Variants in DAAM1 observed in about 807,000 individuals in gnomAD.
DAAM1 encodes the protein dishevelled associated activator of morphogenesis 1.
In DAAM1, 52 loss-of-function variants were observed where a neutral mutation model predicts 130.0. That is an observed-to-expected ratio of 0.40 (90% CI 0.32 to 0.50). The LOEUF (loss-of-function observed/expected upper bound fraction) is 0.50. DAAM1 is among the 20% of genes least tolerant of loss of function. The pLI is 0.61. For synonymous variants in DAAM1, 452 were observed against 444.5 expected, an observed-to-expected ratio of 1.02 and a Z score of -0.21; for missense variants, 1,134 against 1,303.8, an observed-to-expected ratio of 0.87 and a Z score of 2.01.
At chr14:59,283,624 T>C (rs1249596190) in intron 2 of DAAM1, among the ~76,000 whole-genome samples, 2 of 152,196 alleles carry the variant, frequency 1.3e-5, no homozygotes, top group African/African-American at 2.4e-5. Context: ...CAGGCATTAC[T>C]GCATGCTTAG....
In DAAM1 at chr14:59,325,668, T is replaced by G. The variant is rs1375078529; in HGVS notation, c.994T>G (p.Leu332Val). Residue 332 changes from leucine to valine, a missense_variant, in exon 9 of 25, where the codon TTA (leucine) becomes GTA (valine). By Grantham distance (32) the Leu-to-Val change is conservative. Coordinates refer to ENST00000360909, the MANE Select transcript of DAAM1 (RefSeq NM_001270520.2). ...TTTTCTTTCATTATTTTTCAGGCAT[T>G]TAGACTTTTTTGAAATGCTCCGAAA... Reference protein sequence around the residue: ...EHENSTLDRHLDFFEMLRNED... With the variant: ...EHENSTLDRHVDFFEMLRNED... 3.1e-6 allele frequency: 5 copies of G among 1,613,748 alleles called. No homozygotes were observed. Among genetic ancestry groups the G allele is most frequent in the African/African-American group, 1.3e-5 (1 of 74,934 alleles).
chr14:59,331,634 A>T, intron 14 of DAAM1, 126 bp downstream of exon 14: 1 of 1,508,344 alleles, frequency 6.6e-7, no homozygotes, highest in South Asian at 1.4e-5. Context: ...AAGAGTTCTC[A>T]CTAGCTCAGA....
At chr14:59,300,259 C>T (rs1165982637) in intron 3 of DAAM1, among the ~76,000 whole-genome samples, 1 of 152,124 alleles carries the variant, frequency 6.6e-6, no homozygotes, top group African/African-American at 2.4e-5. Context: ...GCCAGATTTA[C>T]AAATGCCCTG....
intron 2 of DAAM1, among the ~76,000 whole-genome samples, chr14:59,274,088 T>A (rs370038716): frequency 6.6e-6 from 1 of 152,198 alleles, no homozygotes; most frequent in African/African-American, 2.4e-5. Context: ...CTTTTAGTTA[T>A]GATTTTCGGG....
chr14:59,366,020 A>G (rs1886902031), intron 23 of DAAM1, among the ~76,000 whole-genome samples: 1 of 151,770 alleles, frequency 6.6e-6, no homozygotes, highest in South Asian at 2.1e-4. Flanking sequence ...GACTGGATAT[A>G]CTATTGTTAC....
intron 1 of DAAM1, among the ~76,000 whole-genome samples, chr14:59,262,060 T>G (rs551842553): frequency 6.6e-6 from 1 of 152,298 alleles, no homozygotes; most frequent in African/African-American, 2.4e-5. Flanking sequence ...ACCTTTTTTT[T>G]TTTCTTTTAA....
chr14:59,335,303 C>T (rs1019810053), intron 15 of DAAM1, among the ~76,000 whole-genome samples: 6 of 152,150 alleles, frequency 3.9e-5, no homozygotes, highest in African/African-American at 1.4e-4. Flanking sequence ...GAAATGGGAT[C>T]TAATAGCAGG....
At chr14:59,250,045 C>G (rs1049961775) in intron 1 of DAAM1, among the ~76,000 whole-genome samples, 1 of 152,024 alleles carries the variant, frequency 6.6e-6, no homozygotes, top group Non-Finnish European at 1.5e-5. Context: ...TTGTGATACC[C>G]CTATGATTTC....
intron 1 of DAAM1, among the ~76,000 whole-genome samples, chr14:59,254,693 G>A (rs1881793682): frequency 6.6e-6 from 1 of 152,086 alleles, no homozygotes; most frequent in Admixed American, 6.5e-5. Context: ...CCAGACTCTG[G>A]TTTCTGTCAC....
chr14:59,235,161 A>G (rs1448454319), intron 1 of DAAM1, among the ~76,000 whole-genome samples: 2 of 151,982 alleles, frequency 1.3e-5, no homozygotes, highest in Non-Finnish European at 2.9e-5. Flanking sequence ...GCCTCATAGG[A>G]TGAGTTAGGG....
chr14:59,212,694 G>A (rs1308256646), intron 1 of DAAM1, among the ~76,000 whole-genome samples: 1 of 152,022 alleles, frequency 6.6e-6, no homozygotes, highest in African/African-American at 2.4e-5. Flanking sequence ...AGTAAACAAG[G>A]GATCTAACTA....
At chr14:59,196,901 G>A (rs916181771) in intron 1 of DAAM1, among the ~76,000 whole-genome samples, 2 of 152,162 alleles carry the variant, frequency 1.3e-5, no homozygotes, top group African/African-American at 4.8e-5. Context: ...ATACATTTCT[G>A]TTCAAGGCAA....
intron 3 of DAAM1, among the ~76,000 whole-genome samples, chr14:59,297,917 G>C (rs1212277591): frequency 1.3e-5 from 2 of 152,092 alleles, no homozygotes; most frequent in African/African-American, 4.8e-5. Flanking sequence ...CATAGATAAG[G>C]GGGGACTACT....
intron 3 of DAAM1, among the ~76,000 whole-genome samples, chr14:59,299,549 A>G (rs1031505580): frequency 6.6e-6 from 1 of 152,102 alleles, no homozygotes; most frequent in Non-Finnish European, 1.5e-5. Context: ...ATTAATCTCC[A>G]TTTTCTTGAG....
chr14:59,291,603 C>T lies in DAAM1; in HGVS notation c.273+297C>T. 5 of 329,608 alleles carry T rather than the reference C, an allele frequency of 1.5e-5. 1 individual carries two copies. The highest frequency in any genetic ancestry group is 9.3e-5 in the South Asian group (3 of 32,176). The allele number at this position is 329,608 out of a possible 1,614,324, so 20.4% of individuals were successfully genotyped here. On this transcript the variant is annotated intron_variant, in intron 3 of 24. Coordinates refer to ENST00000360909, the MANE Select transcript of DAAM1 (RefSeq NM_001270520.2). ...CCCCCCAACCCTGCGCTTTACATAC[C>T]AGTCTGTATACAGGTGGTCTAGAAC...
Position 59,367,443 on chromosome 14 carries a change from G to A in DAAM1, c.2841G>A (p.Val947=). The change falls in exon 24 of 25, where the codon GTG becomes GTA. Residue 947 remains valine (V), a synonymous_variant. Transcript: ENST00000360909. ...AEAKDLFTKA[V]KHFGEEAGKI... ...CTTTTTCCTAGTTTACTAAAGCAGTGAAGCACTTTGGGGAAGAGGCTGGCA... is the reference window on the plus strand; with the variant it reads ...CTTTTTCCTAGTTTACTAAAGCAGTAAAGCACTTTGGGGAAGAGGCTGGCA... 6.2e-7 allele frequency: 1 copy of A among 1,610,384 alleles called. No homozygotes were observed. The highest frequency in any genetic ancestry group is 8.5e-7 in the Non-Finnish European group (1 of 1,177,654).
At chr14:59,253,591 G>C (rs1255626616) in intron 1 of DAAM1, among the ~76,000 whole-genome samples, 1 of 152,186 alleles carries the variant, frequency 6.6e-6, no homozygotes, top group Non-Finnish European at 1.5e-5. Flanking sequence ...TCAGCAAACT[G>C]TCATTTACCA....
intron 15 of DAAM1, among the ~76,000 whole-genome samples, chr14:59,333,053 T>C (rs892004585): frequency 2.1e-4 from 32 of 152,212 alleles, no homozygotes; most frequent in African/African-American, 6.7e-4. Flanking sequence ...GGACTCAGGC[T>C]AGGGGGAGAA....
At position 59,211,255 on chromosome 14, in the gene DAAM1, T is replaced by C. The variant is rs181703310; in HGVS notation, c.-38+22487T>C. On this transcript the variant is annotated intron_variant, in intron 1 of 24. Transcript: ENST00000360909. ...TAATGAAGTGTTTCCCAGCACACTT[T>C]AGAGAAGACATACTGAGTATTATGG... 1.3e-4 allele frequency among the ~76,000 whole-genome samples: 20 copies of C among 152,326 alleles called. 1 individual carries two copies. In the East Asian group the frequency reaches 3.5e-3, roughly 26 times the overall value.
Sources: gnomAD v4.1 joint callset for allele counts (sites outside exome capture counted in the v4.1 genomes callset) on GRCh38, gnomAD v4.1.1 for gene constraint, MANE v1.5 for transcripts, NCBI Gene and HGNC (gene_info 2026-07-23, HGNC 2026-07-21) for gene names.